The following SGCG variants were observed in gnomAD, a reference collection of about 807,000 sequenced individuals.
SGCG encodes the protein gamma-sarcoglycan.
In SGCG, 26 loss-of-function variants were observed where a neutral mutation model predicts 29.3. That is an observed-to-expected ratio of 0.89 (90% CI 0.65 to 1.23). The LOEUF is 1.23. SGCG is among the 50% of genes most tolerant of loss of function. The pLI, the probability that SGCG is intolerant of heterozygous loss-of-function variation, is 0.00. For synonymous variants in SGCG, 145 were observed against 129.7 expected, an observed-to-expected ratio of 1.12 and a Z score of -0.80; for missense variants, 353 against 356.0, an observed-to-expected ratio of 0.99 and a Z score of 0.07.
At chr13:23,237,799 TAAAA>T (rs35050714) in intron 3 of SGCG, among the ~76,000 whole-genome samples, 2 of 143,156 alleles carry the variant, frequency 1.4e-5, no homozygotes, top group Admixed American at 7.0e-5. Flanking sequence ...AATCTTCATC[TAAAA>T]AAAAAAAAAA....
the SGCG span, among the ~76,000 whole-genome samples, chr13:23,161,242 A>G: frequency 2.0e-5 from 3 of 152,202 alleles, no homozygotes; most frequent in African/African-American, 7.2e-5. Flanking sequence ...CCACTAATTA[A>G]TATTTACATA....
chr13:23,233,802 G>A (rs139563908), intron 2 of SGCG, among the ~76,000 whole-genome samples: 88 of 152,324 alleles, frequency 5.8e-4, no homozygotes, highest in African/African-American at 2.0e-3. Context: ...GACTGAACTT[G>A]AGGGAGCCGG....
chr13:23,276,431 C>CTTTT (rs71100165), intron 4 of SGCG, among the ~76,000 whole-genome samples: 1,287 of 102,280 alleles, frequency 0.013, 92 homozygotes, highest in African/African-American at 0.039. Flanking sequence ...TTTTAGTTTT[C>CTTTT]TTTTTTTTTT....
At chr13:23,188,661 C>T (rs1166520466) in intron 1 of SGCG, among the ~76,000 whole-genome samples, 1 of 151,996 alleles carries the variant, frequency 6.6e-6, no homozygotes, top group East Asian at 1.9e-4. Flanking sequence ...CTCATCTAGT[C>T]CGGTCCACAT....
chr13:23,276,444 T>TTC (rs1881075232), intron 4 of SGCG, among the ~76,000 whole-genome samples: 1 of 141,158 alleles, frequency 7.1e-6, no homozygotes, highest in African/African-American at 2.5e-5. Flanking sequence ...TTTTTTTTTT[T>TTC]TTTTTTGAGA....
At chr13:23,234,004 A>G (rs781660654) in intron 2 of SGCG, among the ~76,000 whole-genome samples, 20 of 152,230 alleles carry the variant, frequency 1.3e-4, no homozygotes, top group Non-Finnish European at 2.6e-4. Context: ...ACAAGTTTTA[A>G]CAGCACAGCG....
At position 23,250,803 on chromosome 13, in the gene SGCG, A is replaced by G; in HGVS notation, c.385+86A>G. On this transcript the variant is annotated intron_variant, in intron 4 of 7. Transcript: ENST00000218867. ...ATGCATTGTTTTTTCTTCTAAAGAAATCAAAGCTACTTATGAACAAAATAT... is the reference window on the plus strand; with the variant it reads ...ATGCATTGTTTTTTCTTCTAAAGAAGTCAAAGCTACTTATGAACAAAATAT... The G allele has an allele frequency of 4.8e-6, 4 of 828,056 alleles. No individual in the cohort carries two copies. In the South Asian group the frequency reaches 5.6e-5, roughly 12 times the overall value. 51.3% of individuals were successfully genotyped at this position (828,056 alleles called of 1,614,324 possible). A position where few individuals can be genotyped will look rare whatever the true frequency, so the allele number is the denominator to read the frequency against.
chr13:23,314,382 TTATATATATATATA>T lies in SGCG; in HGVS notation c.579-6242_579-6229del, dbSNP rs201480793. On this transcript the variant is annotated intron_variant, in intron 6 of 7. Coordinates refer to ENST00000218867, the MANE Select transcript of SGCG (RefSeq NM_000231.3). The stretch of plus-strand genomic sequence containing the variant: ...TAAATGAAATGATGTCTGCTATAGG[TTATATATATATATA>T]TATATATATATAATCTTATTCTGTC... Among the ~76,000 whole-genome samples, 8 of 78,624 alleles carry T rather than the reference TTATATATATATATA, an allele frequency of 1.0e-4. 1 individual carries two copies. The highest frequency in any genetic ancestry group is 4.6e-5 in the Non-Finnish European group (2 of 43,236). 51.6% of individuals were successfully genotyped at this position (78,624 alleles called of 152,430 possible).
chr13:23,251,310 A>G (rs1879959712), intron 4 of SGCG, among the ~76,000 whole-genome samples: 1 of 152,200 alleles, frequency 6.6e-6, no homozygotes, highest in Non-Finnish European at 1.5e-5. Context: ...AATTAGCCCA[A>G]TTCATCTGTC....
intron 2 of SGCG, among the ~76,000 whole-genome samples, chr13:23,214,134 T>C (rs1228339519): frequency 6.6e-6 from 1 of 152,168 alleles, no homozygotes; most frequent in Non-Finnish European, 1.5e-5. Context: ...AACTGAAACT[T>C]ACCAGGTCAC....
chr13:23,169,616 TTGCAGTGAGCCGA>T, the SGCG span, among the ~76,000 whole-genome samples: 2 of 151,002 alleles, frequency 1.3e-5, no homozygotes, highest in South Asian at 2.1e-4. Flanking sequence ...GAGGCAAAGG[TTGCAGTGAGCCGA>T]GATCTTGCCA....
chr13:23,239,409 CT>C (rs1345303032), intron 3 of SGCG, among the ~76,000 whole-genome samples: 2 of 152,058 alleles, frequency 1.3e-5, no homozygotes, highest in Non-Finnish European at 2.9e-5. Context: ...AAAATAAAGA[CT>C]TTTTTGGACT....
intron 6 of SGCG, among the ~76,000 whole-genome samples, chr13:23,313,130 A>G (rs1882666788): frequency 2.0e-5 from 3 of 151,074 alleles, no homozygotes; most frequent in Non-Finnish European, 4.4e-5. Flanking sequence ...CTTTAAATTG[A>G]TGCACTGTTC....
chr13:23,281,287 C>CAGAG (rs1260485292), intron 5 of SGCG, among the ~76,000 whole-genome samples: 1 of 151,906 alleles, frequency 6.6e-6, no homozygotes, highest in Non-Finnish European at 1.5e-5. Flanking sequence ...TTGCAGTGAG[C>CAGAG]AGAGATTGAG....
At chr13:23,245,764 AT>A (rs1176609949) in intron 3 of SGCG, 14 of 152,248 alleles carry the variant, frequency 9.2e-5, no homozygotes, top group African/African-American at 3.1e-4. Context: ...CCACCTTTAA[AT>A]TTTCCCGGAA....
At chr13:23,261,872 C>T (rs1406486945) in intron 4 of SGCG, among the ~76,000 whole-genome samples, 2 of 151,554 alleles carry the variant, frequency 1.3e-5, no homozygotes, top group African/African-American at 4.8e-5. Flanking sequence ...TTAAAGAGAA[C>T]AACTGTCAGC....
At chr13:23,252,780 C>T (rs1023280014) in intron 4 of SGCG, among the ~76,000 whole-genome samples, 1 of 152,110 alleles carries the variant, frequency 6.6e-6, no homozygotes, top group Non-Finnish European at 1.5e-5. Flanking sequence ...TGTGGATTTT[C>T]GTATATTATG....
At chr13:23,251,386 G>A (rs993356254) in intron 4 of SGCG, among the ~76,000 whole-genome samples, 1 of 152,182 alleles carries the variant, frequency 6.6e-6, no homozygotes, top group Non-Finnish European at 1.5e-5. Context: ...CAGAGGATAA[G>A]GTCACATGGG....
At chr13:23,206,974 A>C (rs1490176606) in intron 2 of SGCG, among the ~76,000 whole-genome samples, 5 of 152,220 alleles carry the variant, frequency 3.3e-5, no homozygotes, top group African/African-American at 1.2e-4. Context: ...CAATCCAAAA[A>C]TTCATGTGGA....
Sources: allele counts gnomAD v4.1 joint callset (sites outside exome capture counted in the v4.1 genomes callset), GRCh38; gene constraint gnomAD v4.1.1; transcripts MANE v1.5; gene names NCBI Gene and HGNC (gene_info 2026-07-23, HGNC 2026-07-21).